CGNL1: variants seen among roughly 807,000 people sequenced by gnomAD.
CGNL1 encodes the protein cingulin like 1, also known as cingulin-like protein 1.
Under a neutral mutation model 141.2 loss-of-function variants are expected in CGNL1, and 132 were observed. The observed-to-expected ratio is 0.93, with a 90% CI of 0.81 to 1.08. CGNL1 has a LOEUF of 1.08. Among genes scored for constraint, CGNL1 ranks in the 50% least tolerant of loss-of-function variants. The probability of loss-of-function intolerance (pLI) is 0.00; values close to 1 mark genes in which losing one functional copy is unlikely to be tolerated. For missense variants in CGNL1, 1,870 were observed against 1,588.6 expected (o/e 1.18, Z -3.01); for synonymous variants, 690 against 622.1 (o/e 1.11, Z -1.63).
intron 1 of CGNL1, among the ~76,000 whole-genome samples, chr15:57,387,518 T>C (rs1425039486): frequency 1.3e-5 from 2 of 152,208 alleles, no homozygotes; most frequent in Admixed American, 6.5e-5. Flanking sequence ...ATAGGTCTTA[T>C]TAGGTATCTT....
chr15:57,469,599 C>T (rs11629752), intron 8 of CGNL1, among the ~76,000 whole-genome samples: 47,433 of 151,880 alleles, frequency 0.31, 7,629 homozygotes, highest in Admixed American at 0.4. Flanking sequence ...TACTGAGTTT[C>T]TGTACTTTTG....
At chr15:57,532,645 A>G (rs1332970471) in intron 14 of CGNL1, among the ~76,000 whole-genome samples, 1 of 152,244 alleles carries the variant, frequency 6.6e-6, no homozygotes, top group South Asian at 2.1e-4. Context: ...ATTCACTTGG[A>G]AAGTACTGTT....
chr15:57,416,216 A>T (rs77128420), intron 1 of CGNL1, among the ~76,000 whole-genome samples: 1,081 of 80,446 alleles, frequency 0.013, 9 homozygotes, highest in African/African-American at 0.034. Flanking sequence ...TTTTTTTTTT[A>T]AATTGTAAGG....
chr15:57,466,334 G>T (rs1300998789), intron 8 of CGNL1, among the ~76,000 whole-genome samples: 2 of 152,186 alleles, frequency 1.3e-5, no homozygotes, highest in Non-Finnish European at 2.9e-5. Flanking sequence ...GGATGTGAAT[G>T]ACTGCCATCT....
chr15:57,385,994 C>T (rs1193121613), intron 1 of CGNL1, among the ~76,000 whole-genome samples: 1 of 152,220 alleles, frequency 6.6e-6, no homozygotes, highest in Non-Finnish European at 1.5e-5. Flanking sequence ...AGCTATTGGC[C>T]AGGGACAAAG....
intron 1 of CGNL1, among the ~76,000 whole-genome samples, chr15:57,400,397 G>A (rs1177265414): frequency 6.6e-6 from 1 of 152,144 alleles, no homozygotes; most frequent in African/African-American, 2.4e-5. Context: ...TTTGGGCTAA[G>A]GATTGTAACT....
In CGNL1 at chr15:57,535,125, C is replaced by G. The variant is rs770663853; in HGVS notation, c.3291+3346C>G. Among the ~76,000 whole-genome samples the G allele has an allele frequency of 5.2e-4, 79 of 152,220 alleles. 1 individual carries two copies. The highest frequency in any genetic ancestry group is 1.3e-4 in the Non-Finnish European group (9 of 68,044). On this transcript the variant is annotated intron_variant, in intron 14 of 18. Coordinates refer to ENST00000281282, the MANE Select transcript of CGNL1 (RefSeq NM_032866.5). ...ATGAGAGATTTGAGGCCCAGAGTCA[C>G]CTGGTGATTTGACCACAGTCATGCA...
chr15:57,385,052 C>T (rs2062467237), intron 1 of CGNL1, among the ~76,000 whole-genome samples: 1 of 152,188 alleles, frequency 6.6e-6, no homozygotes, highest in South Asian at 2.1e-4. Context: ...CATCCCGACA[C>T]CCAGCTTGCA....
intron 1 of CGNL1, among the ~76,000 whole-genome samples, chr15:57,388,565 C>T (rs2062509047): frequency 6.6e-6 from 1 of 152,166 alleles, no homozygotes; most frequent in Non-Finnish European, 1.5e-5. Flanking sequence ...TGTGCTCGCA[C>T]GACTGTACTG....
chr15:57,450,043 A>C (rs1322711059), intron 4 of CGNL1, among the ~76,000 whole-genome samples: 3 of 152,244 alleles, frequency 2.0e-5, no homozygotes, highest in African/African-American at 4.8e-5. Flanking sequence ...TTGTGTGGAC[A>C]TGAGACTTCA....
chr15:57,387,034 T>C (rs1457802175), intron 1 of CGNL1, among the ~76,000 whole-genome samples: 1 of 152,104 alleles, frequency 6.6e-6, no homozygotes, highest in African/African-American at 2.4e-5. Flanking sequence ...ATTCCAAAAC[T>C]TTTTCATCCC....
intron 1 of CGNL1, among the ~76,000 whole-genome samples, chr15:57,419,671 C>T (rs2062891355): frequency 6.6e-6 from 1 of 152,198 alleles, no homozygotes; most frequent in Non-Finnish European, 1.5e-5. Flanking sequence ...AGAGATAAAG[C>T]ACCCTTCTCA....
At chr15:57,514,847 G>A (rs1284519094) in intron 8 of CGNL1, among the ~76,000 whole-genome samples, 1 of 152,088 alleles carries the variant, frequency 6.6e-6, no homozygotes, top group Admixed American at 6.6e-5. Flanking sequence ...GGCACCATTT[G>A]TTGAAGGCTA....
intron 13 of CGNL1, among the ~76,000 whole-genome samples, chr15:57,530,215 T>G (rs1339331454): frequency 1.3e-5 from 2 of 152,220 alleles, no homozygotes; most frequent in Non-Finnish European, 2.9e-5. Context: ...AGCTGGTGAT[T>G]GGGTTGTTAG....
chr15:57,379,427 G>T (rs1187692614), intron 1 of CGNL1, among the ~76,000 whole-genome samples: 1 of 152,146 alleles, frequency 6.6e-6, no homozygotes, highest in African/African-American at 2.4e-5. Flanking sequence ...ACTAGAAAAG[G>T]CCTTGGGTTT....
intron 4 of CGNL1, among the ~76,000 whole-genome samples, chr15:57,443,335 C>A (rs1449140099): frequency 2.0e-5 from 3 of 152,180 alleles, no homozygotes; most frequent in Non-Finnish European, 2.9e-5. Context: ...GGAAGCCACT[C>A]GTAAGAGAGT....
At chr15:57,478,967 AAATT>A (rs1193499479) in intron 8 of CGNL1, among the ~76,000 whole-genome samples, 1 of 152,118 alleles carries the variant, frequency 6.6e-6, no homozygotes, top group Non-Finnish European at 1.5e-5. Context: ...GGGAGTATCT[AAATT>A]AATCTGTTTA....
At chr15:57,539,993 A>G (rs2140225296) in intron 14 of CGNL1, among the ~76,000 whole-genome samples, 1 of 152,310 alleles carries the variant, frequency 6.6e-6, no homozygotes, top group East Asian at 1.9e-4. Flanking sequence ...CCTAAGCACA[A>G]TAAATCTGTG....
At chr15:57,454,557 C>T (rs539729121) in intron 7 of CGNL1, among the ~76,000 whole-genome samples, 3 of 152,260 alleles carry the variant, frequency 2.0e-5, no homozygotes, top group East Asian at 3.9e-4. Context: ...TTTCTTCACC[C>T]GATGACCTGG....
Sources: gnomAD v4.1 joint callset for allele counts (sites outside exome capture counted in the v4.1 genomes callset) on GRCh38, gnomAD v4.1.1 for gene constraint, MANE v1.5 for transcripts, NCBI Gene and HGNC (gene_info 2026-07-23, HGNC 2026-07-21) for gene names.